Variants in ALK observed in about 807,000 individuals in gnomAD.
ALK encodes the protein ALK receptor tyrosine kinase, also known as ALK tyrosine kinase receptor.
In ALK, 74 loss-of-function variants were observed where a neutral mutation model predicts 163.1. The ratio of observed to expected loss-of-function variants is 0.45; its 90% CI spans 0.38 to 0.55. The LOEUF is 0.55. Ranked by LOEUF, ALK falls within the 20% of genes least tolerant of loss-of-function variation. The probability of loss-of-function intolerance (pLI) is 0.00; values close to 1 mark genes in which losing one functional copy is unlikely to be tolerated. For missense variants in ALK, 2,063 were observed against 2,105.3 expected (o/e 0.98, Z 0.39); for synonymous variants, 960 against 843.2 (o/e 1.14, Z -2.40).
At chr2:29,806,940 G>C (rs528841792) in intron 1 of ALK, among the ~76,000 whole-genome samples, 2 of 152,324 alleles carry the variant, frequency 1.3e-5, no homozygotes, top group East Asian at 3.9e-4. Context: ...GAAAAACATA[G>C]ATGTGTGCGC....
chr2:29,707,710 T>C (rs1374324278), intron 2 of ALK, among the ~76,000 whole-genome samples: 1 of 152,210 alleles, frequency 6.6e-6, no homozygotes, highest in Non-Finnish European at 1.5e-5. Context: ...TGCTTTCAAG[T>C]TCCAGAGGGC....
At chr2:29,331,633 G>A (rs1273198967) in intron 5 of ALK, among the ~76,000 whole-genome samples, 1 of 152,166 alleles carries the variant, frequency 6.6e-6, no homozygotes, top group Non-Finnish European at 1.5e-5. Context: ...CTGGTCCCAC[G>A]GAAGGTGTGG....
chr2:29,225,918 C>T (rs747994074), intron 18 of ALK, among the ~76,000 whole-genome samples: 9 of 152,200 alleles, frequency 5.9e-5, no homozygotes, highest in Admixed American at 4.6e-4. Context: ...CAACAGGGTG[C>T]GCTGTAAGTA....
chr2:29,414,026 C>A (rs1052774405), intron 4 of ALK, among the ~76,000 whole-genome samples: 1 of 152,184 alleles, frequency 6.6e-6, no homozygotes, highest in Non-Finnish European at 1.5e-5. Context: ...ATACTTTTAT[C>A]CAACTGGCAG....
At chr2:29,327,138 G>A (rs1335157947) in intron 6 of ALK, among the ~76,000 whole-genome samples, 1 of 152,222 alleles carries the variant, frequency 6.6e-6, no homozygotes, top group Non-Finnish European at 1.5e-5. Flanking sequence ...TTCTGGAGAG[G>A]CAGCTGCGGG....
chr2:29,563,666 C>G (rs1260523324), intron 3 of ALK, among the ~76,000 whole-genome samples: 1 of 152,144 alleles, frequency 6.6e-6, no homozygotes, highest in Admixed American at 6.5e-5. Flanking sequence ...GCTCCTGACC[C>G]CCAACTCTCA....
intron 2 of ALK, among the ~76,000 whole-genome samples, chr2:29,708,023 G>C (rs1053561441): frequency 4.6e-5 from 7 of 152,190 alleles, no homozygotes; most frequent in Admixed American, 6.5e-5. Context: ...TTCAGGCAGA[G>C]GCTGGAAGAC....
At chr2:29,900,527 T>C (rs1231786776) in intron 1 of ALK, among the ~76,000 whole-genome samples, 1 of 152,226 alleles carries the variant, frequency 6.6e-6, no homozygotes, top group African/African-American at 2.4e-5. Flanking sequence ...TTTAAGGAAA[T>C]TTCAATTTAG....
At chr2:29,307,311 A>G (rs1666553076) in intron 8 of ALK, among the ~76,000 whole-genome samples, 1 of 152,230 alleles carries the variant, frequency 6.6e-6, no homozygotes, top group African/African-American at 2.4e-5. Flanking sequence ...ATCTTTCTTC[A>G]AATTTCTGAA....
intron 1 of ALK, among the ~76,000 whole-genome samples, chr2:29,883,122 G>A (rs1456851349): frequency 6.6e-6 from 1 of 150,916 alleles, no homozygotes; most frequent in African/African-American, 2.4e-5. Flanking sequence ...GGAAGGGAAG[G>A]GAAGGTAAAA....
intron 2 of ALK, among the ~76,000 whole-genome samples, chr2:29,698,650 A>G (rs1232745494): frequency 6.6e-6 from 1 of 152,200 alleles, no homozygotes; most frequent in South Asian, 2.1e-4. Context: ...GCAATATACA[A>G]TCCCAGCACC....
chr2:29,395,359 C>T (rs1467950770), intron 4 of ALK, among the ~76,000 whole-genome samples: 1 of 152,182 alleles, frequency 6.6e-6, no homozygotes, highest in Non-Finnish European at 1.5e-5. Flanking sequence ...GCCAGAAAAG[C>T]CTGGAGGAGC....
chr2:29,906,883 A>G (rs560248755), intron 1 of ALK, among the ~76,000 whole-genome samples: 23 of 151,280 alleles, frequency 1.5e-4, no homozygotes, highest in Admixed American at 6.6e-4. Flanking sequence ...GTAACAGGGA[A>G]GCCTTGGAAA....
At chr2:29,279,505 G>A (rs962739241) in intron 9 of ALK, among the ~76,000 whole-genome samples, 1 of 152,162 alleles carries the variant, frequency 6.6e-6, no homozygotes, top group African/African-American at 2.4e-5. Context: ...CTAGGAATGG[G>A]GTCTGTGGGT....
At chr2:29,522,383 C>A (rs1672837398) in intron 4 of ALK, among the ~76,000 whole-genome samples, 2 of 152,156 alleles carry the variant, frequency 1.3e-5, no homozygotes, top group East Asian at 1.9e-4. Context: ...TCAAGTGATT[C>A]TTCCTCTTTC....
intron 2 of ALK, among the ~76,000 whole-genome samples, chr2:29,698,085 T>C (rs945683771): frequency 6.6e-6 from 1 of 152,188 alleles, no homozygotes; most frequent in Admixed American, 6.5e-5. Flanking sequence ...AGGTTAATAC[T>C]CCTTGCCCTT....
intron 1 of ALK, among the ~76,000 whole-genome samples, chr2:29,895,937 C>T (rs2148427784): frequency 6.6e-6 from 1 of 152,292 alleles, no homozygotes; most frequent in South Asian, 2.1e-4. Context: ...TCCCTACATT[C>T]CCCACAACCT....
chr2:29,224,670 T>C (rs936755807), intron 19 of ALK: 4 of 222,670 alleles, frequency 1.8e-5, no homozygotes, highest in Non-Finnish European at 2.7e-5. Flanking sequence ...GTGATCAGAT[T>C]AGGGTTACCT....
At chr2:29,475,526 C>T (rs1204309040) in intron 4 of ALK, among the ~76,000 whole-genome samples, 2 of 152,154 alleles carry the variant, frequency 1.3e-5, no homozygotes, top group African/African-American at 2.4e-5. Context: ...TGAACAGTCT[C>T]GGGCCCGCCG....
Sources: gnomAD v4.1 joint callset for allele counts (sites outside exome capture counted in the v4.1 genomes callset) on GRCh38, gnomAD v4.1.1 for gene constraint, MANE v1.5 for transcripts, NCBI Gene and HGNC (gene_info 2026-07-23, HGNC 2026-07-21) for gene names.